Variants in LHFPL3 observed in about 807,000 individuals in gnomAD.
The protein encoded by LHFPL3 is LHFPL tetraspan subfamily member 3 protein.
In LHFPL3, 5 loss-of-function variants were observed where a neutral mutation model predicts 19.3. The ratio of observed to expected loss-of-function variants is 0.26; its 90% confidence interval spans 0.14 to 0.54. The LOEUF (loss-of-function observed/expected upper bound fraction) is 0.54, where lower values mean the gene tolerates loss of function less well. LHFPL3 is among the 20% of genes least tolerant of loss of function. The probability of loss-of-function intolerance (pLI) is 0.94; values close to 1 mark genes in which losing one functional copy is unlikely to be tolerated. For synonymous variants in LHFPL3, 133 were observed against 126.2 expected, an observed-to-expected ratio of 1.05 and a Z score of -0.36; for missense variants, 249 against 307.4, an observed-to-expected ratio of 0.81 and a Z score of 1.42.
intron 1 of LHFPL3, among the ~76,000 whole-genome samples, chr7:104,471,429 A>G (rs2115616989): frequency 6.6e-6 from 1 of 152,316 alleles, no homozygotes. Context: ...TATAGTTCTC[A>G]TATACATTAT....
chr7:104,627,602 A>G (rs1381612579), intron 1 of LHFPL3, among the ~76,000 whole-genome samples: 1 of 152,180 alleles, frequency 6.6e-6, no homozygotes, highest in Non-Finnish European at 1.5e-5. Flanking sequence ...AGAAGTTAAA[A>G]TTAGATTTCC....
intron 1 of LHFPL3, among the ~76,000 whole-genome samples, chr7:104,709,970 G>A (rs963210678): frequency 3.9e-5 from 6 of 152,216 alleles, no homozygotes; most frequent in African/African-American, 9.6e-5. Flanking sequence ...GCCAAGGCAG[G>A]CGGCTGGGAG....
chr7:104,693,820 A>T (rs1434498464), intron 1 of LHFPL3, among the ~76,000 whole-genome samples: 7 of 143,442 alleles, frequency 4.9e-5, no homozygotes, highest in African/African-American at 1.8e-4. Flanking sequence ...TTTAGTAGAG[A>T]TGGGGTTTCA....
At chr7:104,502,295 T>A (rs1057507639) in intron 1 of LHFPL3, among the ~76,000 whole-genome samples, 2 of 152,194 alleles carry the variant, frequency 1.3e-5, no homozygotes, top group Non-Finnish European at 2.9e-5. Flanking sequence ...TGGATTGGAA[T>A]TTGGAAATAA....
At chr7:104,520,350 A>G (rs908124154) in intron 1 of LHFPL3, among the ~76,000 whole-genome samples, 2 of 146,068 alleles carry the variant, frequency 1.4e-5, no homozygotes. Flanking sequence ...TCCGTTTGCC[A>G]GTATTTTATT....
chr7:104,811,548 G>A (rs536738911), intron 2 of LHFPL3, among the ~76,000 whole-genome samples: 1 of 152,096 alleles, frequency 6.6e-6, no homozygotes, highest in South Asian at 2.1e-4. Flanking sequence ...AAGGATGGAT[G>A]AGCATACATA....
chr7:104,683,058 C>T (rs12705262), intron 1 of LHFPL3, among the ~76,000 whole-genome samples: 74,657 of 152,014 alleles, frequency 0.49, 18,762 homozygotes, highest in East Asian at 0.59. Context: ...GCCGTGATCT[C>T]GGCTCACTGC....
chr7:104,526,591 A>T (rs564963157), intron 1 of LHFPL3, among the ~76,000 whole-genome samples: 1 of 152,342 alleles, frequency 6.6e-6, no homozygotes, highest in South Asian at 2.1e-4. Context: ...CCTCTTAGTG[A>T]CATTAGTTAG....
intron 1 of LHFPL3, among the ~76,000 whole-genome samples, chr7:104,428,344 C>G (rs1000719806): frequency 3.3e-5 from 5 of 152,124 alleles, no homozygotes; most frequent in Admixed American, 6.5e-5. Context: ...ATGCTATTGT[C>G]TAACTAAATT....
chr7:104,338,153 C>T (rs6978973), intron 1 of LHFPL3, among the ~76,000 whole-genome samples: 21,213 of 127,668 alleles, frequency 0.17, 2,604 homozygotes, highest in African/African-American at 0.37. Flanking sequence ...GGCTGGAGTG[C>T]AGTGGCGCGA....
chr7:104,404,797 A>G (rs1015772735), intron 1 of LHFPL3, among the ~76,000 whole-genome samples: 1 of 152,212 alleles, frequency 6.6e-6, no homozygotes, highest in Non-Finnish European at 1.5e-5. Context: ...CTAAATATTT[A>G]TTGAACCATT....
chr7:104,650,900 T>C (rs1311272907), intron 1 of LHFPL3, among the ~76,000 whole-genome samples: 1 of 152,332 alleles, frequency 6.6e-6, no homozygotes, highest in East Asian at 1.9e-4. Flanking sequence ...TGATTCATGT[T>C]GTCAAAGAGA....
intron 1 of LHFPL3, among the ~76,000 whole-genome samples, chr7:104,643,353 A>G (rs1265567999): frequency 6.6e-6 from 1 of 152,246 alleles, no homozygotes; most frequent in Non-Finnish European, 1.5e-5. Context: ...ATGTAATAAT[A>G]GTACCTACCT....
chr7:104,368,471 C>T (rs1461492143), intron 1 of LHFPL3, among the ~76,000 whole-genome samples: 1 of 152,210 alleles, frequency 6.6e-6, no homozygotes, highest in Non-Finnish European at 1.5e-5. Flanking sequence ...TACCTGAATG[C>T]AGTGGATGAG....
At chr7:104,650,834 C>T (rs190866112) in intron 1 of LHFPL3, among the ~76,000 whole-genome samples, 25 of 152,130 alleles carry the variant, frequency 1.6e-4, no homozygotes, top group East Asian at 3.9e-4. Flanking sequence ...AATGGACAAC[C>T]GCTTATGGTG....
intron 2 of LHFPL3, among the ~76,000 whole-genome samples, chr7:104,737,134 A>G (rs1351282483): frequency 8.1e-6 from 1 of 123,910 alleles, no homozygotes; most frequent in African/African-American, 3.1e-5. Flanking sequence ...CCCTTAGTCC[A>G]TTATTATTAT....
At chr7:104,748,162 C>G (rs868002761) in intron 2 of LHFPL3, among the ~76,000 whole-genome samples, 3 of 151,196 alleles carry the variant, frequency 2.0e-5, no homozygotes, top group East Asian at 2.0e-4. Flanking sequence ...CAGCATGCTC[C>G]TTAAGAGTCA....
At chr7:104,458,667 C>T (rs937497546) in intron 1 of LHFPL3, among the ~76,000 whole-genome samples, 5 of 151,322 alleles carry the variant, frequency 3.3e-5, no homozygotes, top group African/African-American at 1.2e-4. Context: ...TCATTGGTAG[C>T]TTGATGGGGA....
chr7:104,466,067 A>T (rs1792777614), intron 1 of LHFPL3, among the ~76,000 whole-genome samples: 1 of 152,206 alleles, frequency 6.6e-6, no homozygotes, highest in Admixed American at 6.5e-5. Context: ...AGTTCTGTAG[A>T]GGTCTATCAG....
Sources: gnomAD v4.1 joint callset for allele counts (sites outside exome capture counted in the v4.1 genomes callset) on GRCh38, gnomAD v4.1.1 for gene constraint, MANE v1.5 for transcripts, NCBI Gene and HGNC (gene_info 2026-07-23, HGNC 2026-07-21) for gene names.